GAB2: variants seen among roughly 807,000 people sequenced by gnomAD.
The protein encoded by GAB2 is GRB2 associated binding protein 2.
Under a neutral mutation model 65.5 loss-of-function variants are expected in GAB2, and 26 were observed. That is an observed-to-expected ratio of 0.40 (90% CI 0.29 to 0.55). The LOEUF (loss-of-function observed/expected upper bound fraction) is 0.55. Among genes scored for constraint, GAB2 ranks in the 20% least tolerant of loss-of-function variants. The pLI, the probability that GAB2 is intolerant of heterozygous loss-of-function variation, is 0.53. For missense variants in GAB2, 884 were observed against 875.8 expected, an observed-to-expected ratio of 1.01 and a Z score of -0.12; for synonymous variants, 321 against 329.6, an observed-to-expected ratio of 0.97 and a Z score of 0.28.
Position 78,279,651 on chromosome 11 carries a change from CTG to C in GAB2, c.376+948_376+949del, listed in dbSNP as rs888180258. ...CTCTCAGTCACCACCAATGTACTTT[CTG>C]TCTCTGTGGATTTGCCTGCTCTGAG... is the stretch of plus-strand genomic sequence containing the variant. On this transcript the variant is annotated intron_variant, in intron 2 of 9. Transcript: ENST00000361507. 3.8e-4 allele frequency among the ~76,000 whole-genome samples: 58 copies of C among 152,228 alleles called. No individual in the cohort carries two copies. In the Middle Eastern group the frequency reaches 0.014, roughly 36 times the overall value.
chr11:78,378,244 C>A (rs1856655742), intron 1 of GAB2, among the ~76,000 whole-genome samples: 1 of 152,096 alleles, frequency 6.6e-6, no homozygotes, highest in Non-Finnish European at 1.5e-5. Flanking sequence ...AGCTTGCCTA[C>A]AGGAAAAAAG....
intron 1 of GAB2, among the ~76,000 whole-genome samples, chr11:78,339,596 C>T (rs1187545494): frequency 6.6e-6 from 1 of 152,196 alleles, no homozygotes; most frequent in Non-Finnish European, 1.5e-5. Flanking sequence ...TTAAGGTTCT[C>T]ATGAAATGCA....
rs544709993 is a variant in GAB2, at chr11:78,371,864, C to T, written c.75+45782G>A. Reference sequence around the variant, plus strand: ...AAGGTTTTGAAGCTAGACACATTTACATTCCAATCCCAGTTCCATCTCTTA... The same window carrying T: ...AAGGTTTTGAAGCTAGACACATTTATATTCCAATCCCAGTTCCATCTCTTA... On this transcript the variant is annotated intron_variant, in intron 1 of 9. Transcript: ENST00000361507. Among the ~76,000 whole-genome samples, 11 of 152,310 alleles carry T rather than the reference C, an allele frequency of 7.2e-5. No individual in the cohort carries two copies. The East Asian group carries it at 1.2e-3, about 16-fold the overall frequency.
chr11:78,243,799 G>A (rs377107640), intron 3 of GAB2, among the ~76,000 whole-genome samples: 20 of 152,196 alleles, frequency 1.3e-4, no homozygotes, highest in East Asian at 7.7e-4. Flanking sequence ...AGCTGAGATC[G>A]CGCCACTGCA....
intron 1 of GAB2, among the ~76,000 whole-genome samples, chr11:78,404,931 T>TA (rs1857021920): frequency 6.6e-6 from 1 of 152,134 alleles, no homozygotes; most frequent in African/African-American, 2.4e-5. Flanking sequence ...AAAGAAATGA[T>TA]AAACGTTTGA....
intron 1 of GAB2, among the ~76,000 whole-genome samples, chr11:78,370,071 A>C (rs1020991455): frequency 2.0e-5 from 3 of 151,648 alleles, no homozygotes; most frequent in African/African-American, 7.2e-5. Context: ...TCCCGGCTAA[A>C]ACGGTGAAAC....
intron 7 of GAB2, 84 bp downstream of exon 7, chr11:78,222,021 C>T (rs1303898717): frequency 1.1e-6 from 1 of 899,160 alleles, no homozygotes; most frequent in African/African-American, 1.6e-5. Flanking sequence ...ATCCAGCTGT[C>T]CCGGCCCACA....
At position 78,417,788 on chromosome 11, in the gene GAB2, G is replaced by T. The variant is rs904228782; in HGVS notation, c.-68C>A. 4.6e-6 allele frequency: 4 copies of T among 861,610 alleles called. No homozygotes were observed. Among genetic ancestry groups the T allele is most frequent in the Admixed American group, 5.9e-5 (1 of 16,834 alleles). 53.4% of individuals were successfully genotyped at this position (861,610 alleles called of 1,614,324 possible). A position where few individuals can be genotyped will look rare whatever the true frequency, so the allele number is the denominator to read the frequency against. On this transcript the variant is annotated 5_prime_UTR_variant, in exon 1 of 10. Coordinates refer to ENST00000361507, the MANE Select transcript of GAB2 (RefSeq NM_080491.3). Reference sequence around the variant, plus strand: ...CGCGGGCTCGGGCAGCTGGGGCAGCGGCCGGCGGTGCGCAGCTCGCGGGAG... The same window carrying T: ...CGCGGGCTCGGGCAGCTGGGGCAGCTGCCGGCGGTGCGCAGCTCGCGGGAG...
chr11:78,341,288 T>C (rs1856090162), intron 1 of GAB2, among the ~76,000 whole-genome samples: 1 of 152,240 alleles, frequency 6.6e-6, no homozygotes, highest in South Asian at 2.1e-4. Context: ...GCAATTGCTA[T>C]GCTCTAGGCA....
intron 1 of GAB2, among the ~76,000 whole-genome samples, chr11:78,281,215 A>G (rs961556504): frequency 2.0e-5 from 3 of 150,048 alleles, no homozygotes; most frequent in African/African-American, 4.9e-5. Flanking sequence ...CACTGGGATT[A>G]TAAGTATGAG....
intron 1 of GAB2, among the ~76,000 whole-genome samples, chr11:78,393,091 C>T (rs1163323909): frequency 6.6e-6 from 1 of 151,696 alleles, no homozygotes; most frequent in East Asian, 1.9e-4. Context: ...AAATCTCCTT[C>T]AGGAGGATAT....
At chr11:78,294,341 G>A (rs1360539104) in intron 1 of GAB2, among the ~76,000 whole-genome samples, 2 of 152,208 alleles carry the variant, frequency 1.3e-5, no homozygotes, top group African/African-American at 2.4e-5. Context: ...TTGGTTCCAA[G>A]TCTTTACTAT....
chr11:78,371,919 T>C (rs1341011132), intron 1 of GAB2, among the ~76,000 whole-genome samples: 1 of 152,228 alleles, frequency 6.6e-6, no homozygotes, highest in African/African-American at 2.4e-5. Flanking sequence ...GCAAGTGACA[T>C]AGACCCTCTA....
intron 1 of GAB2, among the ~76,000 whole-genome samples, chr11:78,403,921 T>C (rs1240296500): frequency 1.3e-5 from 2 of 151,990 alleles, no homozygotes; most frequent in Admixed American, 6.6e-5. Flanking sequence ...TTGTAAAATA[T>C]GCTAAGTATC....
At chr11:78,326,745 T>C (rs536908400) in intron 1 of GAB2, among the ~76,000 whole-genome samples, 1 of 152,346 alleles carries the variant, frequency 6.6e-6, no homozygotes, top group East Asian at 1.9e-4. Flanking sequence ...TACATGAAAT[T>C]CTATTGTGGA....
chr11:78,356,004 C>A (rs1489610491), intron 1 of GAB2, among the ~76,000 whole-genome samples: 1 of 151,920 alleles, frequency 6.6e-6, no homozygotes, highest in Non-Finnish European at 1.5e-5. Context: ...GAAAGCCCGT[C>A]TCTAATAAAA....
chr11:78,291,555 C>CTTTTCTTTTTTT (rs1866677044), intron 1 of GAB2, among the ~76,000 whole-genome samples: 5 of 55,046 alleles, frequency 9.1e-5, no homozygotes, highest in South Asian at 6.9e-4. Flanking sequence ...TTACTTTTTT[C>CTTTTCTTTTTTT]TTTTTCTTTT....
At chr11:78,407,771 A>G (rs1032179772) in intron 1 of GAB2, among the ~76,000 whole-genome samples, 1 of 151,812 alleles carries the variant, frequency 6.6e-6, no homozygotes, top group Non-Finnish European at 1.5e-5. Flanking sequence ...AAAGAAAGAG[A>G]GAGAAAGAAA....
At chr11:78,400,645 G>A (rs944391770) in intron 1 of GAB2, among the ~76,000 whole-genome samples, 27 of 152,264 alleles carry the variant, frequency 1.8e-4, no homozygotes, top group African/African-American at 6.5e-4. Flanking sequence ...GCTCATGTCT[G>A]TAATCCCAGC....
Sources: gnomAD v4.1 joint callset for allele counts (sites outside exome capture counted in the v4.1 genomes callset) on GRCh38, gnomAD v4.1.1 for gene constraint, MANE v1.5 for transcripts, NCBI Gene and HGNC (gene_info 2026-07-23, HGNC 2026-07-21) for gene names.